Variants in TMEM117 observed in about 807,000 individuals in gnomAD.
TMEM117 encodes the protein transmembrane protein 117.
A neutral mutation model predicts 52.4 loss-of-function variants in TMEM117; 27 were observed. The observed-to-expected ratio is 0.51, with a 90% CI of 0.38 to 0.71. The LOEUF (loss-of-function observed/expected upper bound fraction) is 0.71, where lower values mean the gene tolerates loss of function less well. Ranked by LOEUF, TMEM117 falls within the 30% of genes least tolerant of loss-of-function variation. The probability of loss-of-function intolerance (pLI) is 0.00; values close to 1 mark genes in which losing one functional copy is unlikely to be tolerated. For synonymous variants in TMEM117, 215 were observed against 206.3 expected, an observed-to-expected ratio of 1.04 and a Z score of -0.36; for missense variants, 556 against 630.5, an observed-to-expected ratio of 0.88 and a Z score of 1.26.
intron 6 of TMEM117, among the ~76,000 whole-genome samples, chr12:44,311,761 A>ATATATATG (rs1164845837): frequency 0.048 from 5,858 of 120,808 alleles, 443 homozygotes; most frequent in African/African-American, 0.14. Flanking sequence ...ATATATGTAT[A>ATATATATG]TATATATGTA....
intron 2 of TMEM117, among the ~76,000 whole-genome samples, chr12:43,917,437 A>G (rs773895135): frequency 2.9e-4 from 44 of 152,132 alleles, no homozygotes; most frequent in Middle Eastern, 3.2e-3. Flanking sequence ...TGTAATTCAC[A>G]ATGTAATCTT....
At chr12:44,301,398 A>T (rs840767) in intron 6 of TMEM117, among the ~76,000 whole-genome samples, 4,138 of 152,232 alleles carry the variant, frequency 0.027, 177 homozygotes, top group African/African-American at 0.09. Flanking sequence ...AGATGAAAAA[A>T]TATCATAACA....
chr12:44,354,500 A>G (rs950192397), intron 6 of TMEM117, among the ~76,000 whole-genome samples: 28 of 152,152 alleles, frequency 1.8e-4, no homozygotes, highest in Admixed American at 3.3e-4. Flanking sequence ...CCTGGGATGC[A>G]AGGCTGGTTC....
At chr12:44,397,358 G>A in the TMEM117 span, among the ~76,000 whole-genome samples, 1 of 152,126 alleles carries the variant, frequency 6.6e-6, no homozygotes, top group African/African-American at 2.4e-5. Flanking sequence ...TTAAAAGAAA[G>A]GAAATATAAT....
chr12:44,348,044 C>CA (rs1351271926), intron 6 of TMEM117, among the ~76,000 whole-genome samples: 12 of 152,070 alleles, frequency 7.9e-5, no homozygotes, highest in African/African-American at 2.6e-4. Flanking sequence ...TAGAGTCCTA[C>CA]ATGGACATCA....
chr12:44,144,107 A>G (rs1423220777), intron 4 of TMEM117, among the ~76,000 whole-genome samples: 1 of 152,134 alleles, frequency 6.6e-6, no homozygotes, highest in Non-Finnish European at 1.5e-5. Context: ...TATTTTCCTC[A>G]TTGGAACTAC....
At chr12:43,980,423 G>A (rs868731389) in intron 3 of TMEM117, among the ~76,000 whole-genome samples, 4 of 152,110 alleles carry the variant, frequency 2.6e-5, no homozygotes, top group Non-Finnish European at 4.4e-5. Context: ...ATGGGATATG[G>A]GATACAACAG....
intron 2 of TMEM117, among the ~76,000 whole-genome samples, chr12:43,909,937 C>T (rs1366616795): frequency 7.5e-6 from 1 of 133,300 alleles, no homozygotes; most frequent in African/African-American, 2.6e-5. Context: ...TGGTACCATT[C>T]CTTCTGAAAC....
At chr12:44,275,960 G>GT (rs1950506748) in intron 5 of TMEM117, among the ~76,000 whole-genome samples, 1 of 152,060 alleles carries the variant, frequency 6.6e-6, no homozygotes, top group South Asian at 2.1e-4. Flanking sequence ...TGCATTGTTC[G>GT]TAAGACAAGG....
At chr12:44,318,051 C>T (rs571361274) in intron 6 of TMEM117, among the ~76,000 whole-genome samples, 27 of 152,246 alleles carry the variant, frequency 1.8e-4, no homozygotes, top group Admixed American at 5.2e-4. Context: ...GGTGACGGCC[C>T]GAACTCCTAA....
intron 6 of TMEM117, among the ~76,000 whole-genome samples, chr12:44,316,226 T>A (rs1951052494): frequency 6.6e-6 from 1 of 152,200 alleles, no homozygotes; most frequent in Non-Finnish European, 1.5e-5. Flanking sequence ...TTTCCATTTT[T>A]AAAATTCCCT....
At chr12:43,898,372 AAT>A (rs900963065) in intron 2 of TMEM117, among the ~76,000 whole-genome samples, 1 of 140,508 alleles carries the variant, frequency 7.1e-6, no homozygotes, top group African/African-American at 2.6e-5. Context: ...TATTATTAAT[AAT>A]ATATATTAAT....
intron 4 of TMEM117, among the ~76,000 whole-genome samples, chr12:44,154,599 C>T (rs1415686653): frequency 6.6e-6 from 1 of 151,274 alleles, no homozygotes; most frequent in Non-Finnish European, 1.5e-5. Flanking sequence ...TGTAATTATC[C>T]TAATTTCTCT....
At chr12:43,849,642 C>T (rs572392268) in intron 2 of TMEM117, among the ~76,000 whole-genome samples, 38 of 150,562 alleles carry the variant, frequency 2.5e-4, no homozygotes, top group African/African-American at 9.0e-4. Flanking sequence ...TTTTTTTTTA[C>T]TTACAGTAGA....
intron 3 of TMEM117, among the ~76,000 whole-genome samples, chr12:43,976,523 G>A (rs1565777561): frequency 2.0e-5 from 3 of 152,084 alleles, no homozygotes; most frequent in Non-Finnish European, 4.4e-5. Context: ...TCCTAAGCAC[G>A]AATCATCAAA....
In TMEM117 at chr12:44,099,923, T is replaced by C. The variant is rs1462920630; in HGVS notation, c.411-43602T>C. On this transcript the variant is annotated intron_variant, in intron 3 of 7. Coordinates refer to ENST00000266534, the MANE Select transcript of TMEM117 (RefSeq NM_032256.3). The stretch of plus-strand genomic sequence containing the variant: ...GTAGTGGTGAGGACATTAAGAATGA[T>C]GACCTGATATTGCTTTAATGGGAAT... 2.6e-5 allele frequency among the ~76,000 whole-genome samples: 4 copies of C among 152,126 alleles called. 1 individual carries two copies. Among genetic ancestry groups the C allele is most frequent in the South Asian group, 4.1e-4 (2 of 4,826 alleles).
At chr12:43,853,598 A>G (rs1290097153) in intron 2 of TMEM117, among the ~76,000 whole-genome samples, 1 of 152,166 alleles carries the variant, frequency 6.6e-6, no homozygotes, top group African/African-American at 2.4e-5. Flanking sequence ...TTATTGTAAG[A>G]TATAGAAAGG....
At chr12:44,291,224 A>T (rs1273053553) in intron 5 of TMEM117, among the ~76,000 whole-genome samples, 1 of 152,086 alleles carries the variant, frequency 6.6e-6, no homozygotes, top group Non-Finnish European at 1.5e-5. Flanking sequence ...ATTTATTTGC[A>T]AGAATTTTAT....
At chr12:44,132,685 A>G (rs1948433616) in intron 3 of TMEM117, among the ~76,000 whole-genome samples, 1 of 152,022 alleles carries the variant, frequency 6.6e-6, no homozygotes, top group South Asian at 2.1e-4. Context: ...ATGTTCTGTC[A>G]TTTCTTCTCC....
Sources: gnomAD v4.1 joint callset for allele counts (sites outside exome capture counted in the v4.1 genomes callset) on GRCh38, gnomAD v4.1.1 for gene constraint, MANE v1.5 for transcripts, NCBI Gene and HGNC (gene_info 2026-07-23, HGNC 2026-07-21) for gene names.